Variants in RGS7 observed in about 807,000 individuals in gnomAD.
The protein encoded by RGS7 is regulator of G-protein signaling 7.
RGS7 carries 27 observed loss-of-function variants against 81.1 expected under a neutral mutation model. The observed-to-expected ratio is 0.33, with a 90% confidence interval of 0.25 to 0.46. The LOEUF is 0.46. Among genes scored for constraint, RGS7 ranks in the 20% least tolerant of loss-of-function variants. RGS7 has a pLI of 1.00. For synonymous variants in RGS7, 208 were observed against 207.7 expected, an observed-to-expected ratio of 1.00 and a Z score of -0.01; for missense variants, 396 against 607.4, an observed-to-expected ratio of 0.65 and a Z score of 3.66.
At chr1:240,795,390 G>T (rs951441863) in intron 18 of RGS7, among the ~76,000 whole-genome samples, 1 of 152,152 alleles carries the variant, frequency 6.6e-6, no homozygotes, top group African/African-American at 2.4e-5. Context: ...GTAACACACT[G>T]GTTTTGGAAA....
chr1:241,286,132 C>G (rs146841171), intron 2 of RGS7, among the ~76,000 whole-genome samples: 74 of 152,288 alleles, frequency 4.9e-4, no homozygotes, highest in African/African-American at 1.7e-3. Flanking sequence ...CTTCCATTCT[C>G]TCAGCCTTTA....
At chr1:240,873,706 T>C (rs1210375580) in intron 6 of RGS7, among the ~76,000 whole-genome samples, 1 of 152,106 alleles carries the variant, frequency 6.6e-6, no homozygotes, top group Non-Finnish European at 1.5e-5. Flanking sequence ...TGAAAGCACA[T>C]CACACAGGTC....
chr1:240,972,951 A>G (rs1683483741), intron 4 of RGS7, among the ~76,000 whole-genome samples: 1 of 151,600 alleles, frequency 6.6e-6, no homozygotes, highest in South Asian at 2.1e-4. Context: ...CAGGAAGCTT[A>G]AGCGGGAGGA....
intron 2 of RGS7, among the ~76,000 whole-genome samples, chr1:241,128,851 A>T (rs746090530): frequency 6.6e-6 from 1 of 151,034 alleles, no homozygotes; most frequent in Non-Finnish European, 1.5e-5. Context: ...ATAACTCTTA[A>T]GATATTTTAG....
rs1364241064 is a variant in RGS7 at position 241,163,399 on chromosome 1, G to T, written c.79-64637C>A. On this transcript the variant is annotated intron_variant, in intron 2 of 18. Transcript: ENST00000440928. This position sits in a 1 kb window ranked among gnomAD's most constrained non-coding sequence, Gnocchi z 4.6. ...ATGTTCAGAGGGCCAGCAGATAGAAGTAGCCATGCAAAGCTGTCTTTTGTC... is the reference window on the plus strand; with the variant it reads ...ATGTTCAGAGGGCCAGCAGATAGAATTAGCCATGCAAAGCTGTCTTTTGTC... Among the ~76,000 whole-genome samples the T allele has an allele frequency of 6.6e-6, 1 of 152,176 alleles. No homozygotes were observed. The highest frequency in any genetic ancestry group is 1.5e-5 in the Non-Finnish European group (1 of 68,028).
At chr1:240,898,297 A>G (rs1291185795) in intron 6 of RGS7, among the ~76,000 whole-genome samples, 1 of 151,718 alleles carries the variant, frequency 6.6e-6, no homozygotes, top group African/African-American at 2.4e-5. Context: ...TTCTGCTCGG[A>G]TCTTAGTTAT....
chr1:241,088,009 T>C (rs185830164), intron 3 of RGS7, among the ~76,000 whole-genome samples: 87 of 82,376 alleles, frequency 1.1e-3, no homozygotes, highest in South Asian at 6.8e-3. Context: ...CACACACACA[T>C]ATATATATAC....
intron 3 of RGS7, among the ~76,000 whole-genome samples, chr1:241,044,614 T>G (rs1021364520): frequency 2.0e-5 from 3 of 151,560 alleles, no homozygotes; most frequent in African/African-American, 7.3e-5. Context: ...ATTTTTTTTG[T>G]AGAGATAGAG....
intron 2 of RGS7, among the ~76,000 whole-genome samples, chr1:241,306,820 TACAC>T (rs2080199096): frequency 1.3e-5 from 2 of 152,044 alleles, no homozygotes; most frequent in Non-Finnish European, 2.9e-5. Context: ...TGCACACACA[TACAC>T]ACATCTATCC....
In RGS7 at chr1:240,986,302, A is replaced by G. The variant is rs954470480; in HGVS notation, c.176-3173T>C. 6.0e-4 allele frequency among the ~76,000 whole-genome samples: 92 copies of G among 152,304 alleles called. 1 individual carries two copies. The highest frequency in any genetic ancestry group is 4.5e-3 in the Admixed American group (69 of 15,294). On this transcript the variant is annotated intron_variant, in intron 3 of 18. Transcript: ENST00000440928. ...CTCATCACACTGCTCATAGTTTTCT[A>G]CCTGCTATACTGTTTCTTCCTTCCA...
In RGS7 at chr1:240,800,649, A is replaced by G. The variant is rs1294663627; in HGVS notation, c.1486T>C (p.Ter496ArgextTer19). ...PTLRASTNLL* is the reference protein window; with the variant it reads ...PTLRASTNLLR ...AACCAAGATTTTTCTACCTCTTTTC[A>G]TAACAGGTTAGTGCTGGCCCTCAGT... The change falls in exon 18 of 19, where the codon TGA (stop) becomes CGA (arginine). Residue 496 changes from the stop codon to arginine, a stop_lost. Transcript: ENST00000440928. The G allele has an allele frequency of 5.2e-6, 8 of 1,543,326 alleles. No homozygotes were observed. The highest frequency in any genetic ancestry group is 1.7e-4 in the Middle Eastern group (1 of 5,980).
At chr1:241,254,222 A>G (rs980947869) in intron 2 of RGS7, among the ~76,000 whole-genome samples, 2 of 151,354 alleles carry the variant, frequency 1.3e-5, no homozygotes, top group Non-Finnish European at 2.9e-5. Flanking sequence ...AAAAAGAAAG[A>G]AAGAAATTAG....
At chr1:240,983,635 T>C (rs207461327) in intron 3 of RGS7, among the ~76,000 whole-genome samples, 24 of 152,210 alleles carry the variant, frequency 1.6e-4, no homozygotes, top group Non-Finnish European at 5.9e-5. Flanking sequence ...GTCTTCCCAC[T>C]ATTTTTAAGA....
chr1:241,240,533 C>T (rs1052779960), intron 2 of RGS7, among the ~76,000 whole-genome samples: 8 of 152,106 alleles, frequency 5.3e-5, no homozygotes, highest in Non-Finnish European at 1.0e-4. Context: ...ACTAGGTTGC[C>T]GCTTCTAAGG....
chr1:241,261,926 T>A lies in RGS7; in HGVS notation c.78+93773A>T, dbSNP rs191354609. 3.3e-4 allele frequency among the ~76,000 whole-genome samples: 50 copies of A among 152,316 alleles called. 1 individual carries two copies. In the Middle Eastern group the frequency reaches 0.01, roughly 31 times the overall value. ...TTGCTGATTGAGATTAAAATAATAATAAATATGTATTACATATATACTTTG... is the reference window on the plus strand; with the variant it reads ...TTGCTGATTGAGATTAAAATAATAAAAAATATGTATTACATATATACTTTG... On this transcript the variant is annotated intron_variant, in intron 2 of 18. Transcript: ENST00000440928.
intron 10 of RGS7, among the ~76,000 whole-genome samples, chr1:240,817,442 G>A (rs910838028): frequency 2.0e-5 from 3 of 152,114 alleles, no homozygotes; most frequent in Non-Finnish European, 2.9e-5. Context: ...CCGTCACCAA[G>A]CTTGCCAATA....
At chr1:241,221,704 C>G (rs969580474) in intron 2 of RGS7, among the ~76,000 whole-genome samples, 2 of 152,172 alleles carry the variant, frequency 1.3e-5, no homozygotes, top group Non-Finnish European at 2.9e-5. Flanking sequence ...AGTTAAAGGC[C>G]TGTATATAAC....
rs112424364 is a variant in RGS7 at position 240,818,171 on chromosome 1, C to T, written c.685-1756G>A. On this transcript the variant is annotated intron_variant, in intron 10 of 18. Coordinates refer to ENST00000440928, the MANE Select transcript of RGS7 (RefSeq NM_001364886.1). ...TGCTTTGAATTTACTCTGAACAGGA[C>T]GGAGCTGAATGTCTTAAACTAGCCC... Among the ~76,000 whole-genome samples, 22 of 152,116 alleles carry T rather than the reference C, an allele frequency of 1.4e-4. 1 individual carries two copies. The highest frequency in any genetic ancestry group is 4.8e-4 in the African/African-American group (20 of 41,494).
chr1:241,296,279 C>T (rs1005460529), intron 2 of RGS7, among the ~76,000 whole-genome samples: 1 of 152,126 alleles, frequency 6.6e-6, no homozygotes, highest in Non-Finnish European at 1.5e-5. Context: ...GCCGCTGACA[C>T]AGCCAGAAGC....
Sources: gnomAD v4.1 joint callset for allele counts (sites outside exome capture counted in the v4.1 genomes callset) on GRCh38, gnomAD v4.1.1 for gene constraint, Gnocchi (gnomAD v3.1) non-coding constraint, MANE v1.5 for transcripts, NCBI Gene and HGNC (gene_info 2026-07-23, HGNC 2026-07-21) for gene names.